Variants in EFCAB6 observed in about 807,000 individuals in gnomAD.
EFCAB6 encodes the protein EF-hand calcium binding domain 6.
Under a neutral mutation model 169.8 loss-of-function variants are expected in EFCAB6, and 156 were observed. The ratio of observed to expected loss-of-function variants is 0.92; its 90% confidence interval spans 0.81 to 1.05. The LOEUF (loss-of-function observed/expected upper bound fraction) is 1.05, where lower values mean the gene tolerates loss of function less well. EFCAB6 is among the 50% of genes least tolerant of loss of function. The pLI, the probability that EFCAB6 is intolerant of heterozygous loss-of-function variation, is 0.00. For synonymous variants in EFCAB6, 698 were observed against 676.4 expected (o/e 1.03, Z -0.50); for missense variants, 1,800 against 1,829.1 (o/e 0.98, Z 0.29).
At chr22:43,603,200 A>G (rs886762613) in intron 22 of EFCAB6, among the ~76,000 whole-genome samples, 1 of 152,230 alleles carries the variant, frequency 6.6e-6, no homozygotes, top group African/African-American at 2.4e-5. Flanking sequence ...ATTAATGAAG[A>G]TCGTAAACAT....
intron 1 of EFCAB6, 147 bp downstream of exon 1, chr22:43,812,021 C>T (rs547680472): frequency 6.6e-6 from 1 of 150,922 alleles, no homozygotes; most frequent in Non-Finnish European, 1.5e-5. Flanking sequence ...CCATGAACAC[C>T]TGAATAAACG....
At chr22:43,786,789 T>C (rs1452274018) in intron 2 of EFCAB6, among the ~76,000 whole-genome samples, 1 of 147,690 alleles carries the variant, frequency 6.8e-6, no homozygotes, top group Non-Finnish European at 1.5e-5. Context: ...TCCTTATGAG[T>C]ATAGGGAAAA....
intron 8 of EFCAB6, among the ~76,000 whole-genome samples, chr22:43,719,136 G>A (rs769839141): frequency 2.1e-4 from 32 of 152,200 alleles, no homozygotes; most frequent in Non-Finnish European, 2.8e-4. Context: ...CGGCCCACAG[G>A]TCTGTGCACA....
intron 8 of EFCAB6, among the ~76,000 whole-genome samples, chr22:43,723,875 A>C (rs1332346792): frequency 6.6e-6 from 1 of 152,204 alleles, no homozygotes; most frequent in Non-Finnish European, 1.5e-5. Flanking sequence ...CCTGGGCAGC[A>C]AGCCCATCGA....
At chr22:43,566,349 A>G (rs891394503) in intron 26 of EFCAB6, among the ~76,000 whole-genome samples, 1 of 152,262 alleles carries the variant, frequency 6.6e-6, no homozygotes, top group Non-Finnish European at 1.5e-5. Context: ...ACAACAGCTA[A>G]TCCGAAGATT....
Position 43,782,209 on chromosome 22 carries a change from C to A in EFCAB6, c.110G>T (p.Gly37Val), listed in dbSNP as rs776876843. Residue 37 changes from glycine (G) to valine (V), a missense_variant, in exon 3 of 32, where the codon GGT becomes GTT. Physicochemically the swap from Gly to Val is moderately radical, Grantham distance 109. Transcript: ENST00000262726. Reference sequence around the variant, plus strand: ...AGAAGATCTGAACTTATTTGGGGAACCATTCCTTGAATATACTCTACACGG... The same window carrying A: ...AGAAGATCTGAACTTATTTGGGGAAACATTCCTTGAATATACTCTACACGG... ...SSPCRVYSRN[G>V]SPNKFRSSST... The A allele has an allele frequency of 2.5e-6, 4 of 1,612,332 alleles. No individual in the cohort carries two copies. The highest frequency in any genetic ancestry group is 2.2e-5 in the East Asian group (1 of 44,878).
chr22:43,589,383 T>C (rs1399804621), intron 24 of EFCAB6, among the ~76,000 whole-genome samples: 1 of 148,616 alleles, frequency 6.7e-6, no homozygotes, highest in African/African-American at 2.5e-5. Flanking sequence ...TTGTTGACTT[T>C]GGGTAGTGAA....
chr22:43,808,794 A>G (rs541954878), intron 2 of EFCAB6, among the ~76,000 whole-genome samples: 1 of 152,338 alleles, frequency 6.6e-6, no homozygotes, highest in East Asian at 1.9e-4. Flanking sequence ...TGGAAACACC[A>G]GGAGTGCCAA....
rs1032565969 is a variant in EFCAB6 at position 43,807,726 on chromosome 22, C to A, written c.-8+1269G>T. 3.3e-5 allele frequency among the ~76,000 whole-genome samples: 5 copies of A among 152,130 alleles called. No homozygotes were observed. The South Asian group carries it at 8.3e-4, about 25-fold the overall frequency. On this transcript the variant is annotated intron_variant, in intron 2 of 31. Coordinates refer to ENST00000262726, the MANE Select transcript of EFCAB6 (RefSeq NM_022785.4). ...CGACTAAATTGGAAAAAATTGTAAG[C>A]AACACAAAAGGTTTTGGCAGTTAAA...
At chr22:43,574,338 G>A (rs1455000267) in intron 26 of EFCAB6, among the ~76,000 whole-genome samples, 1 of 152,096 alleles carries the variant, frequency 6.6e-6, no homozygotes, top group African/African-American at 2.4e-5. Context: ...TTTAAGGCAG[G>A]GTAGTGCATA....
intron 21 of EFCAB6, among the ~76,000 whole-genome samples, chr22:43,614,963 CA>C: frequency 6.6e-6 from 1 of 152,176 alleles, no homozygotes; most frequent in Non-Finnish European, 1.5e-5. Flanking sequence ...CTATGGAGTC[CA>C]CAGCACAGAC....
intron 12 of EFCAB6, among the ~76,000 whole-genome samples, chr22:43,683,358 G>A (rs1442183960): frequency 6.6e-6 from 1 of 152,112 alleles, no homozygotes; most frequent in Non-Finnish European, 1.5e-5. Flanking sequence ...CCCTGTTTTG[G>A]GCAATAAGTT....
intron 18 of EFCAB6, 58 bp from the exon 19 acceptor site, chr22:43,632,296 T>C (rs2055022327): frequency 3.5e-6 from 2 of 578,128 alleles, no homozygotes; most frequent in South Asian, 9.2e-5. Flanking sequence ...CATTCCTTCT[T>C]TTTTTTTTTT....
chr22:43,706,956 G>A (rs2058982086), intron 10 of EFCAB6, among the ~76,000 whole-genome samples: 1 of 152,372 alleles, frequency 6.6e-6, no homozygotes, highest in East Asian at 1.9e-4. Context: ...CAGAGCTGAA[G>A]TGGAAACCAA....
intron 8 of EFCAB6, among the ~76,000 whole-genome samples, chr22:43,717,220 A>G (rs903286445): frequency 2.0e-5 from 3 of 152,146 alleles, no homozygotes; most frequent in African/African-American, 4.8e-5. Flanking sequence ...ACTAAATAGA[A>G]TAATACAACC....
intron 2 of EFCAB6, among the ~76,000 whole-genome samples, chr22:43,784,640 T>TGTGTATATAC (rs2061993296): frequency 3.2e-5 from 2 of 62,456 alleles, no homozygotes; most frequent in Admixed American, 4.7e-4. Flanking sequence ...TATGTATATG[T>TGTGTATATAC]ACACATATAT....
chr22:43,733,950 G>A (rs921912674), intron 7 of EFCAB6, among the ~76,000 whole-genome samples: 5 of 151,988 alleles, frequency 3.3e-5, no homozygotes, highest in African/African-American at 1.2e-4. Flanking sequence ...CTCATGATCC[G>A]CCTGCCTCAG....
chr22:43,758,227 T>C (rs996755614), intron 5 of EFCAB6, among the ~76,000 whole-genome samples: 1 of 152,196 alleles, frequency 6.6e-6, no homozygotes, highest in Non-Finnish European at 1.5e-5. Flanking sequence ...AACTGAAATA[T>C]TTGATCCTTT....
rs543908228 is a variant in EFCAB6 at position 43,622,933 on chromosome 22, T to TA, written c.2465+3513dup. Among the ~76,000 whole-genome samples the TA allele has an allele frequency of 9.3e-4, 141 of 152,344 alleles. 1 individual carries two copies. The highest frequency in any genetic ancestry group is 1.8e-3 in the Non-Finnish European group (124 of 68,034). On this transcript the variant is annotated intron_variant, in intron 20 of 31. Transcript: ENST00000262726. ...CGACACCATGCTCGGGGTGTTGTGT[T>TA]AGATTTCACTGAATGCAGCTGGAAA...
Sources: allele counts gnomAD v4.1 joint callset (sites outside exome capture counted in the v4.1 genomes callset), GRCh38; gene constraint gnomAD v4.1.1; transcripts MANE v1.5; gene names NCBI Gene and HGNC (gene_info 2026-07-23, HGNC 2026-07-21).